The following TRIM33 variants were observed in gnomAD, a reference collection of about 807,000 sequenced individuals.
TRIM33 encodes E3 ubiquitin-protein ligase TRIM33.
TRIM33 carries 20 observed loss-of-function variants against 125.4 expected under a neutral mutation model. The ratio of observed to expected loss-of-function variants is 0.16; its 90% CI spans 0.11 to 0.23. The LOEUF (loss-of-function observed/expected upper bound fraction) is 0.23. TRIM33 is among the 10% of genes least tolerant of loss of function. The pLI is 1.00. For missense variants in TRIM33, 920 were observed against 1,411.4 expected (o/e 0.65, Z 5.58); for synonymous variants, 564 against 513.9 (o/e 1.10, Z -1.32).
chr1:114,482,707 G>C (rs1254400868), intron 1 of TRIM33, among the ~76,000 whole-genome samples: 3 of 152,194 alleles, frequency 2.0e-5, no homozygotes, highest in African/African-American at 7.2e-5. Flanking sequence ...TTTCCCCTTT[G>C]CTGTTCTCAT....
At position 114,427,906 on chromosome 1, in the gene TRIM33, C is replaced by G; in HGVS notation, c.1156-12G>C. On this transcript the variant is annotated splice_polypyrimidine_tract_variant and intron_variant, in intron 6 of 19. Coordinates refer to ENST00000358465, the MANE Select transcript of TRIM33 (RefSeq NM_015906.4). ...TCCTTTGTAACATTCTGAAACAGAA[C>G]AAGAGCTTCGCTGTAGAATTCCATA... is the stretch of plus-strand genomic sequence containing the variant. The G allele has an allele frequency of 6.2e-7, 1 of 1,613,288 alleles. No homozygotes were observed. Among genetic ancestry groups the G allele is most frequent in the Non-Finnish European group, 8.5e-7 (1 of 1,179,604 alleles).
chr1:114,430,648 C>A (rs1348077190), intron 6 of TRIM33, 150 bp downstream of exon 6: 1 of 595,308 alleles, frequency 1.7e-6, no homozygotes, highest in African/African-American at 1.9e-5. Flanking sequence ...TAGAAAAGGT[C>A]TCTTCCAAAA....
intron 14 of TRIM33, among the ~76,000 whole-genome samples, chr1:114,406,389 A>G (rs1652246552): frequency 6.6e-6 from 1 of 152,220 alleles, no homozygotes; most frequent in Non-Finnish European, 1.5e-5. Flanking sequence ...CCCGGTCAGA[A>G]AGAGAAAACA....
intron 2 of TRIM33, 107 bp from the exon 3 acceptor site, chr1:114,463,663 A>T: frequency 1.5e-6 from 1 of 687,092 alleles, no homozygotes; most frequent in Non-Finnish European, 2.4e-6. Context: ...CACAGAATAA[A>T]ATTATTTTGT....
In TRIM33 at chr1:114,424,756, C is replaced by A; in HGVS notation, c.1696-1G>T. 1 of 1,475,134 alleles carries A rather than the reference C, an allele frequency of 6.8e-7. No homozygotes were observed. The highest frequency in any genetic ancestry group is 9.0e-7 in the Non-Finnish European group (1 of 1,108,866). The allele number at this position is 1,475,134 out of a possible 1,614,324, so 91.4% of individuals were successfully genotyped here. ...TTTGCACACTGATCAATCGAGGAGG[C>A]TACAAAAAGTAGAAATTGCAATTTA... On this transcript the variant is annotated splice_acceptor_variant, in intron 9 of 19. Coordinates refer to ENST00000358465, the MANE Select transcript of TRIM33 (RefSeq NM_015906.4). LOFTEE classifies it high-confidence loss of function.
At chr1:114,498,002 T>C (rs1487328196) in intron 1 of TRIM33, among the ~76,000 whole-genome samples, 1 of 151,678 alleles carries the variant, frequency 6.6e-6, no homozygotes, top group South Asian at 2.1e-4. Context: ...GTGGTACACG[T>C]CTATAATTCC....
At chr1:114,502,813 G>A (rs1652790752) in intron 1 of TRIM33, among the ~76,000 whole-genome samples, 1 of 152,036 alleles carries the variant, frequency 6.6e-6, no homozygotes, top group South Asian at 2.1e-4. Flanking sequence ...GGCACGACAG[G>A]TTTAAACAAC....
At chr1:114,464,239 T>C (rs1438409888) in intron 2 of TRIM33, 31 bp downstream of exon 2, 20 of 1,190,798 alleles carry the variant, frequency 1.7e-5, no homozygotes, top group Non-Finnish European at 2.4e-5. Flanking sequence ...GATATCAAGA[T>C]AGGAATATAA....
At chr1:114,473,256 CA>C (rs35627159) in intron 1 of TRIM33, among the ~76,000 whole-genome samples, 1,535 of 106,164 alleles carry the variant, frequency 0.014, 19 homozygotes, top group African/African-American at 0.046. Context: ...GACTCTGTCT[CA>C]AAAAAAAAAA....
Position 114,405,625 on chromosome 1 carries a change from C to T in TRIM33, c.2553G>A (p.Gln851=). 2.5e-6 allele frequency: 4 copies of T among 1,614,182 alleles called. No homozygotes were observed. The highest frequency in any genetic ancestry group is 3.4e-6 in the Non-Finnish European group (4 of 1,180,032). Residue 851 remains glutamine (Q), a synonymous_variant, in exon 15 of 20, where the codon CAG becomes CAA. Coordinates refer to ENST00000358465, the MANE Select transcript of TRIM33 (RefSeq NM_015906.4). The stretch of plus-strand genomic sequence containing the variant: ...CATTAACAAGGCTGCTGAGCCCTGA[C>T]TGTTTGCAGCTTTCATTCATATCTG... ...EPADMNESCK[Q]SGLSSLVNGK...
At chr1:114,508,176 T>C (rs1029761490) in intron 1 of TRIM33, among the ~76,000 whole-genome samples, 1 of 152,150 alleles carries the variant, frequency 6.6e-6, no homozygotes, top group Non-Finnish European at 1.5e-5. Context: ...TTTTAGATAT[T>C]GGTTAGAGAG....
At chr1:114,481,699 A>G (rs1651369670) in intron 1 of TRIM33, among the ~76,000 whole-genome samples, 1 of 151,260 alleles carries the variant, frequency 6.6e-6, no homozygotes, top group African/African-American at 2.4e-5. Context: ...ATGTGTGTAT[A>G]TATATATTTT....
At chr1:114,474,083 T>C (rs1557887015) in intron 1 of TRIM33, among the ~76,000 whole-genome samples, 1 of 151,956 alleles carries the variant, frequency 6.6e-6, no homozygotes, top group Non-Finnish European at 1.5e-5. Context: ...AAATTTTTTG[T>C]AGAGATAGGG....
chr1:114,430,165 T>C (rs1647852472), intron 6 of TRIM33, among the ~76,000 whole-genome samples: 1 of 151,942 alleles, frequency 6.6e-6, no homozygotes, highest in South Asian at 2.1e-4. Context: ...TGAGGCCCCA[T>C]CTTAAGGGGG....
Position 114,394,476 on chromosome 1 carries a change from T to C in TRIM33, c.*3172A>G, listed in dbSNP as rs115198517. 1.3e-3 allele frequency: 273 copies of C among 215,924 alleles called. No individual in the cohort carries two copies. Among genetic ancestry groups the C allele is most frequent in the Non-Finnish European group, 2.0e-3 (219 of 106,858 alleles). 13.4% of individuals were successfully genotyped at this position (215,924 alleles called of 1,614,324 possible). ...CTGAGGTAATTGATAAATCTACAATTTGCACACTTATAAACCTTTTACTTC... is the reference window on the plus strand; with the variant it reads ...CTGAGGTAATTGATAAATCTACAATCTGCACACTTATAAACCTTTTACTTC... On this transcript the variant is annotated 3_prime_UTR_variant, in exon 20 of 20. Transcript: ENST00000358465.
chr1:114,486,643 C>A (rs76562934), intron 1 of TRIM33, among the ~76,000 whole-genome samples: 1 of 151,260 alleles, frequency 6.6e-6, no homozygotes, highest in African/African-American at 2.4e-5. Flanking sequence ...GAATAACTGA[C>A]CTTCAGGCAA....
At position 114,397,589 on chromosome 1, in the gene TRIM33, G is replaced by GTTTTTTTTTTTTTGTTTTTTTTTTTTT. The variant is rs1651609303; in HGVS notation, c.*58_*59insAAAAAAAAAAAAACAAAAAAAAAAAAA. 1 of 612,120 alleles carries GTTTTTTTTTTTTTGTTTTTTTTTTTTT rather than the reference G, an allele frequency of 1.6e-6. No homozygotes were observed. Among genetic ancestry groups the GTTTTTTTTTTTTTGTTTTTTTTTTTTT allele is most frequent in the African/African-American group, 2.8e-5 (1 of 35,850 alleles). The allele number at this position is 612,120 out of a possible 1,614,324, so 37.9% of individuals were successfully genotyped here. A position where few individuals can be genotyped will look rare whatever the true frequency, so the allele number is the denominator to read the frequency against. On this transcript the variant is annotated 3_prime_UTR_variant, in exon 20 of 20. Coordinates refer to ENST00000358465, the MANE Select transcript of TRIM33 (RefSeq NM_015906.4). ...CTTAAAAGTTTTCTGGGTTTTTTGT[G>GTTTTTTTTTTTTTGTTTTTTTTTTTTT]TTTTTTTTTTTTTTTTCGTTTTTTT...
At chr1:114,486,800 T>C (rs549605593) in intron 1 of TRIM33, among the ~76,000 whole-genome samples, 17 of 151,906 alleles carry the variant, frequency 1.1e-4, no homozygotes, top group Non-Finnish European at 2.1e-4. Context: ...AAAAATTACT[T>C]GAACAGGCCG....
intron 4 of TRIM33, among the ~76,000 whole-genome samples, chr1:114,434,980 T>C (rs918491931): frequency 6.6e-6 from 1 of 152,062 alleles, no homozygotes; most frequent in African/African-American, 2.4e-5. Flanking sequence ...TACTTCAATA[T>C]GGCCAAAGAA....
Sources: gnomAD v4.1 joint callset for allele counts (sites outside exome capture counted in the v4.1 genomes callset) on GRCh38, gnomAD v4.1.1 for gene constraint, MANE v1.5 for transcripts, NCBI Gene and HGNC (gene_info 2026-07-23, HGNC 2026-07-21) for gene names.